The following MATN2 variants were observed in gnomAD, a reference collection of about 807,000 sequenced individuals.
MATN2 encodes matrilin 2.
In MATN2, 69 loss-of-function variants were observed where a neutral mutation model predicts 103.2. The ratio of observed to expected loss-of-function variants is 0.67; its 90% CI spans 0.55 to 0.82. The LOEUF (loss-of-function observed/expected upper bound fraction) is 0.82. MATN2 is among the 40% of genes least tolerant of loss of function. The probability of loss-of-function intolerance (pLI) is 0.00; values close to 1 mark genes in which losing one functional copy is unlikely to be tolerated. For synonymous variants in MATN2, 429 were observed against 450.2 expected (o/e 0.95, Z 0.60); for missense variants, 1,023 against 1,211.5 (o/e 0.84, Z 2.31).
chr8:97,910,600 A>G (rs1230294658), intron 2 of MATN2, among the ~76,000 whole-genome samples: 2 of 152,224 alleles, frequency 1.3e-5, no homozygotes, highest in East Asian at 1.9e-4. Context: ...AGCACCCTAC[A>G]GTTTTAGCAA....
At chr8:98,011,330 G>A (rs1029997119) in intron 10 of MATN2, among the ~76,000 whole-genome samples, 1 of 150,418 alleles carries the variant, frequency 6.6e-6, no homozygotes, top group African/African-American at 2.5e-5. Flanking sequence ...GTCTGTAGCA[G>A]GGAGTAGGGG....
intron 1 of MATN2, among the ~76,000 whole-genome samples, chr8:97,880,812 G>T (rs1335917934): frequency 6.6e-6 from 1 of 152,060 alleles, no homozygotes; most frequent in African/African-American, 2.4e-5. Flanking sequence ...CGAAATCCTG[G>T]CCTCAAGTGA....
chr8:97,941,629 T>C, intron 3 of MATN2, 148 bp from the exon 4 acceptor site: 1 of 774,248 alleles, frequency 1.3e-6, no homozygotes, highest in Non-Finnish European at 2.1e-6. Flanking sequence ...CACCTTGGAC[T>C]GTGAGCCCCC....
intron 6 of MATN2, among the ~76,000 whole-genome samples, chr8:97,989,468 C>CAAA (rs34047188): frequency 7.7e-5 from 10 of 129,798 alleles, no homozygotes; most frequent in African/African-American, 2.4e-4. Flanking sequence ...GACTCCATCT[C>CAAA]AAAAAAAAAA....
chr8:97,958,518 G>A (rs182741908), intron 4 of MATN2, among the ~76,000 whole-genome samples: 1 of 152,300 alleles, frequency 6.6e-6, no homozygotes, highest in East Asian at 1.9e-4. Context: ...TGCAGGGGTG[G>A]GCTGACAGCC....
intron 5 of MATN2, among the ~76,000 whole-genome samples, chr8:97,962,991 T>C (rs1304334986): frequency 2.6e-5 from 4 of 152,140 alleles, no homozygotes; most frequent in African/African-American, 7.2e-5. Context: ...AAAAATTAGC[T>C]GGGTCTGGTA....
chr8:98,010,563 A>G (rs577084801), intron 10 of MATN2, among the ~76,000 whole-genome samples: 1 of 151,888 alleles, frequency 6.6e-6, no homozygotes, highest in African/African-American at 2.4e-5. Flanking sequence ...CGTGACCCCT[A>G]AGGAATTCCT....
chr8:98,026,219 G>T (rs2130442406), intron 13 of MATN2, among the ~76,000 whole-genome samples: 6 of 142,030 alleles, frequency 4.2e-5, no homozygotes, highest in Non-Finnish European at 3.1e-5. Flanking sequence ...AAGCTTCCAT[G>T]TAAAGAATTT....
chr8:97,910,953 A>C (rs549430999), intron 2 of MATN2, among the ~76,000 whole-genome samples: 1 of 152,128 alleles, frequency 6.6e-6, no homozygotes, highest in Non-Finnish European at 1.5e-5. Flanking sequence ...CCATTTGTAA[A>C]GGTCAAGGAA....
rs372069733 is a variant in MATN2 at position 97,931,093 on chromosome 8, C to T, written c.283C>T (p.Arg95Ter). The T allele has an allele frequency of 1.2e-5, 19 of 1,613,884 alleles. No individual in the cohort carries two copies. The highest frequency in any genetic ancestry group is 8.0e-5 in the African/African-American group (6 of 74,924). Residue 95 changes from arginine (R) to a stop codon, truncating the protein, a stop_gained, in exon 3 of 19, where the codon CGA becomes TGA. Transcript: ENST00000254898. LOFTEE classifies it high-confidence loss of function. The surrounding 1 kb of genome is among the most constrained non-coding windows in gnomAD (Gnocchi z 4.1). ...QFLDIGPDVT[R>*]VGLLQYGSTV... ...CTTGGACATTGGTCCTGATGTCACC[C>T]GAGTGGGCCTGCTCCAATATGGCAG...
chr8:97,957,660 A>G (rs1400191852), intron 4 of MATN2, among the ~76,000 whole-genome samples: 2 of 152,170 alleles, frequency 1.3e-5, no homozygotes, highest in African/African-American at 4.8e-5. Context: ...AAGGACAACA[A>G]TCACTCAGAT....
chr8:97,958,628 G>A (rs1048015918), intron 4 of MATN2, among the ~76,000 whole-genome samples: 2 of 152,142 alleles, frequency 1.3e-5, no homozygotes, highest in Admixed American at 6.6e-5. Flanking sequence ...ACTTCAGCCC[G>A]GAACTCAGAA....
At chr8:97,977,775 T>C (rs970559877) in intron 5 of MATN2, among the ~76,000 whole-genome samples, 8 of 152,170 alleles carry the variant, frequency 5.3e-5, no homozygotes, top group Non-Finnish European at 5.9e-5. Context: ...CCCTGGCCTC[T>C]TTGCTGATCC....
intron 7 of MATN2, among the ~76,000 whole-genome samples, chr8:97,998,537 AAAAAT>A (rs1460184604): frequency 6.9e-6 from 1 of 145,232 alleles, no homozygotes; most frequent in African/African-American, 2.5e-5. Flanking sequence ...AAAAAAAAAA[AAAAAT>A]CTTGCTTGAA....
intron 2 of MATN2, among the ~76,000 whole-genome samples, chr8:97,889,516 T>G (rs1818561171): frequency 7.1e-6 from 1 of 141,384 alleles, no homozygotes; most frequent in African/African-American, 2.6e-5. Flanking sequence ...CAATCTTGGC[T>G]CATTGCAACC....
intron 1 of MATN2, among the ~76,000 whole-genome samples, chr8:97,874,595 T>A (rs1424440437): frequency 6.6e-6 from 1 of 151,920 alleles, no homozygotes; most frequent in Non-Finnish European, 1.5e-5. Flanking sequence ...TTTTAATTTT[T>A]TGTAGAGACA....
chr8:97,939,469 C>T (rs1020090401), intron 3 of MATN2, among the ~76,000 whole-genome samples: 1 of 152,140 alleles, frequency 6.6e-6, no homozygotes, highest in Non-Finnish European at 1.5e-5. Flanking sequence ...GGCAGAGTGG[C>T]TCCTTGTTCA....
rs532191928 is a variant in MATN2, at chr8:98,030,640, T to C, written c.2509+26T>C. 1.8e-5 allele frequency: 28 copies of C among 1,599,600 alleles called. No homozygotes were observed. The East Asian group carries it at 5.4e-4, about 31-fold the overall frequency. On this transcript the variant is annotated intron_variant, in intron 15 of 18. Coordinates refer to ENST00000254898, the MANE Select transcript of MATN2 (RefSeq NM_002380.5). Reference sequence around the variant, plus strand: ...GTACTATAGCTTACGCCGAAGACCTTAGCAAACAAGGCAGCATGAACTCCT... The same window carrying C: ...GTACTATAGCTTACGCCGAAGACCTCAGCAAACAAGGCAGCATGAACTCCT...
At chr8:97,980,807 G>T (rs1433521482) in intron 6 of MATN2, among the ~76,000 whole-genome samples, 4 of 151,882 alleles carry the variant, frequency 2.6e-5, no homozygotes, top group Non-Finnish European at 5.9e-5. Flanking sequence ...GACCTCAAGT[G>T]ATCCACCCAC....
Sources: allele counts gnomAD v4.1 joint callset (sites outside exome capture counted in the v4.1 genomes callset), GRCh38; gene constraint gnomAD v4.1.1; non-coding constraint Gnocchi (gnomAD v3.1); transcripts MANE v1.5; gene names NCBI Gene and HGNC (gene_info 2026-07-23, HGNC 2026-07-21).